The following ADGRB3 variants were observed in gnomAD, a reference collection of about 807,000 sequenced individuals.
The protein encoded by ADGRB3 is adhesion G protein-coupled receptor B3, also known as brain-specific angiogenesis inhibitor 3.
A neutral mutation model predicts 193.4 loss-of-function variants in ADGRB3; 37 were observed. That is an observed-to-expected ratio of 0.19 (90% CI 0.15 to 0.25). The LOEUF (loss-of-function observed/expected upper bound fraction) is 0.25. Among genes scored for constraint, ADGRB3 ranks in the 10% least tolerant of loss-of-function variants. The pLI, the probability that ADGRB3 is intolerant of heterozygous loss-of-function variation, is 1.00. For missense variants in ADGRB3, 1,637 were observed against 1,852.9 expected, an observed-to-expected ratio of 0.88 and a Z score of 2.14; for synonymous variants, 690 against 644.2, an observed-to-expected ratio of 1.07 and a Z score of -1.08.
chr6:69,028,932 T>A (rs557189519), intron 13 of ADGRB3, among the ~76,000 whole-genome samples: 1 of 152,300 alleles, frequency 6.6e-6, no homozygotes, highest in Admixed American at 6.5e-5. Context: ...AATTAATGTT[T>A]TCACAAATAT....
chr6:69,195,522 CAA>C (rs542731165), intron 17 of ADGRB3, among the ~76,000 whole-genome samples: 142 of 65,118 alleles, frequency 2.2e-3, no homozygotes, highest in Middle Eastern at 0.016. Context: ...TATCCTGTCT[CAA>C]AAAAAAAAAA....
chr6:69,373,238 A>G (rs569768359), intron 30 of ADGRB3, among the ~76,000 whole-genome samples: 6 of 152,178 alleles, frequency 3.9e-5, no homozygotes, highest in African/African-American at 1.2e-4. Flanking sequence ...TGATGCATAC[A>G]TAGAACTCAA....
chr6:69,345,951 T>C (rs918495982), intron 26 of ADGRB3, among the ~76,000 whole-genome samples: 1 of 152,174 alleles, frequency 6.6e-6, no homozygotes, highest in African/African-American at 2.4e-5. Context: ...AGCATTCCTA[T>C]ACACCAATAA....
intron 18 of ADGRB3, 116 bp downstream of exon 18, chr6:69,233,532 T>C (rs1364034223): frequency 2.8e-6 from 4 of 1,427,176 alleles, no homozygotes; most frequent in Middle Eastern, 1.8e-4. Context: ...GGGTACAAAA[T>C]TGGGTTCGTC....
intron 26 of ADGRB3, among the ~76,000 whole-genome samples, chr6:69,342,689 A>G (rs544143468): frequency 3.3e-5 from 5 of 152,136 alleles, no homozygotes; most frequent in Non-Finnish European, 7.4e-5. Flanking sequence ...TTTCATAAAG[A>G]CATACCAAAG....
At chr6:69,226,118 C>A (rs925316034) in intron 17 of ADGRB3, among the ~76,000 whole-genome samples, 9 of 152,084 alleles carry the variant, frequency 5.9e-5, no homozygotes, top group African/African-American at 2.2e-4. Flanking sequence ...ATGTTCATGA[C>A]CTCAAGAGTG....
At chr6:68,916,738 A>G (rs1362635164) in intron 3 of ADGRB3, among the ~76,000 whole-genome samples, 3 of 152,232 alleles carry the variant, frequency 2.0e-5, no homozygotes, top group Non-Finnish European at 2.9e-5. Flanking sequence ...AAAAAAATCA[A>G]TTCGTGCAGA....
rs149798902 is a variant in ADGRB3, at chr6:68,790,228, C to G, written c.758-140331C>G. On this transcript the variant is annotated intron_variant, in intron 3 of 31. Coordinates refer to ENST00000370598, the MANE Select transcript of ADGRB3 (RefSeq NM_001704.3). ...GAGACAAAATTGCTAGCACAGCGTCCGAGATCAAACTGCAAGGCAGCAGGG... is the reference window on the plus strand; with the variant it reads ...GAGACAAAATTGCTAGCACAGCGTCGGAGATCAAACTGCAAGGCAGCAGGG... 3.2e-4 allele frequency among the ~76,000 whole-genome samples: 49 copies of G among 152,064 alleles called. 1 individual carries two copies. The highest frequency in any genetic ancestry group is 2.4e-3 in the Admixed American group (36 of 15,262).
chr6:69,069,553 C>CAAAAAAAAAAAAAAAAAAAAAAAAAAAA lies in ADGRB3; in HGVS notation c.2437-6441_2437-6414dup. ...TGAAACCCCGTCTCTACTAAAAATA[C>CAAAAAAAAAAAAAAAAAAAAAAAAAAAA]AAAAAAAAAAAAAAAAAAAAAAAAA... On this transcript the variant is annotated intron_variant, in intron 16 of 31. Coordinates refer to ENST00000370598, the MANE Select transcript of ADGRB3 (RefSeq NM_001704.3). Among the ~76,000 whole-genome samples the CAAAAAAAAAAAAAAAAAAAAAAAAAAAA allele has an allele frequency of 3.5e-4, 11 of 31,782 alleles. 2 individuals are homozygous for CAAAAAAAAAAAAAAAAAAAAAAAAAAAA. The highest frequency in any genetic ancestry group is 2.0e-3 in the Admixed American group (3 of 1,480). 20.9% of individuals were successfully genotyped at this position (31,782 alleles called of 152,430 possible).
Position 68,648,071 on chromosome 6 carries a change from A to T in ADGRB3, c.757+8639A>T, listed in dbSNP as rs546074289. 1.1e-4 allele frequency among the ~76,000 whole-genome samples: 17 copies of T among 152,308 alleles called. No homozygotes were observed. In the South Asian group the frequency reaches 2.5e-3, roughly 22 times the overall value. ...AGGCTCTACATTCAATTATCTTTCAACTATCCTCCAGGAATTTTGTGCACT... is the reference window on the plus strand; with the variant it reads ...AGGCTCTACATTCAATTATCTTTCATCTATCCTCCAGGAATTTTGTGCACT... On this transcript the variant is annotated intron_variant, in intron 3 of 31. Coordinates refer to ENST00000370598, the MANE Select transcript of ADGRB3 (RefSeq NM_001704.3).
At chr6:68,739,011 A>T (rs1372604117) in intron 3 of ADGRB3, among the ~76,000 whole-genome samples, 1 of 152,194 alleles carries the variant, frequency 6.6e-6, no homozygotes, top group East Asian at 1.9e-4. Context: ...TAAGAATGTG[A>T]TACCTTATAT....
chr6:68,687,356 T>C (rs1765000622), intron 3 of ADGRB3, among the ~76,000 whole-genome samples: 1 of 152,086 alleles, frequency 6.6e-6, no homozygotes, highest in African/African-American at 2.4e-5. Context: ...TCATAGAAAA[T>C]ATATGTTATG....
chr6:68,723,129 C>T (rs1582148626), intron 3 of ADGRB3, among the ~76,000 whole-genome samples: 1 of 151,820 alleles, frequency 6.6e-6, no homozygotes, highest in Middle Eastern at 3.4e-3. Flanking sequence ...AAGCAAACCT[C>T]TGATAATTTA....
chr6:69,263,216 C>T lies in ADGRB3; in HGVS notation c.2814+23990C>T, dbSNP rs190619515. On this transcript the variant is annotated intron_variant, in intron 20 of 31. Transcript: ENST00000370598. Reference sequence around the variant, plus strand: ...CTCCGTCTTTGTATGTTAATTTTTGCAGAACTGACACTGACATCAGTGAAT... The same window carrying T: ...CTCCGTCTTTGTATGTTAATTTTTGTAGAACTGACACTGACATCAGTGAAT... Among the ~76,000 whole-genome samples the T allele has an allele frequency of 2.9e-3, 443 of 152,108 alleles. 10 individuals carry two copies. The highest frequency in any genetic ancestry group is 0.027 in the Admixed American group (412 of 15,256).
At chr6:68,731,511 G>T (rs960253400) in intron 3 of ADGRB3, among the ~76,000 whole-genome samples, 4 of 151,464 alleles carry the variant, frequency 2.6e-5, no homozygotes, top group African/African-American at 9.7e-5. Flanking sequence ...TTAAAAGTTT[G>T]ACATTTAGAA....
intron 20 of ADGRB3, among the ~76,000 whole-genome samples, chr6:69,314,212 A>G (rs1768261054): frequency 6.6e-6 from 1 of 151,704 alleles, no homozygotes; most frequent in Non-Finnish European, 1.5e-5. Context: ...AATTATGAAC[A>G]TGTTTTCCAC....
intron 20 of ADGRB3, among the ~76,000 whole-genome samples, chr6:69,317,520 A>G (rs1470879362): frequency 6.6e-6 from 1 of 151,466 alleles, no homozygotes; most frequent in Non-Finnish European, 1.5e-5. Flanking sequence ...CGATTTTTCA[A>G]CCAACCATTC....
At chr6:69,130,157 C>A (rs1329051640) in intron 17 of ADGRB3, among the ~76,000 whole-genome samples, 1 of 152,026 alleles carries the variant, frequency 6.6e-6, no homozygotes, top group Non-Finnish European at 1.5e-5. Context: ...TCTTCTTGCT[C>A]TGTCCTCACA....
intron 27 of ADGRB3, 145 bp downstream of exon 27, chr6:69,354,473 A>G: frequency 1.5e-6 from 1 of 673,348 alleles, no homozygotes; most frequent in South Asian, 1.9e-5. Context: ...CTCTGGTACC[A>G]CAGAAGTATT....
Sources: allele counts gnomAD v4.1 joint callset (sites outside exome capture counted in the v4.1 genomes callset), GRCh38; gene constraint gnomAD v4.1.1; transcripts MANE v1.5; gene names NCBI Gene and HGNC (gene_info 2026-07-23, HGNC 2026-07-21).